The following ANKS3 variants were observed in gnomAD, a reference collection of about 807,000 sequenced individuals.
ANKS3 encodes ankyrin repeat and sterile alpha motif domain containing 3.
Under a neutral mutation model 80.7 loss-of-function variants are expected in ANKS3, and 62 were observed. That is an observed-to-expected ratio of 0.77 (90% CI 0.63 to 0.95). ANKS3 has a LOEUF of 0.95. ANKS3 is among the 40% of genes least tolerant of loss of function. The pLI, the probability that ANKS3 is intolerant of heterozygous loss-of-function variation, is 0.00. For missense variants in ANKS3, 1,150 were observed against 883.6 expected (o/e 1.30, Z -3.82); for synonymous variants, 489 against 355.3 (o/e 1.38, Z -4.23).
At chr16:4,705,057 C>G in intron 8 of ANKS3, 38 bp downstream of exon 8, 1 of 1,603,000 alleles carries the variant, frequency 6.2e-7, no homozygotes, top group Non-Finnish European at 8.5e-7. Context: ...TCCTGGTATG[C>G]AATGAGAAAG....
Position 4,701,495 on chromosome 16 carries a change from C to G in ANKS3, c.1058G>C (p.Ser353Thr). 1.2e-6 allele frequency: 2 copies of G among 1,612,170 alleles called. No individual in the cohort carries two copies. Among genetic ancestry groups the G allele is most frequent in the East Asian group, 2.2e-5 (1 of 44,844 alleles). ...CTGGGCTCTGGCCAGGCCCTCGCTG[C>G]TGCTGCTGCTCTGGACGGGCCCCAG... ...ANLGPVQSSS[S>T]SEGLARAQGL... The change falls in exon 10 of 18, where the codon AGC becomes ACC. Residue 353 changes from serine to threonine, a missense_variant. Physicochemically the swap from Ser to Thr is moderately conservative, Grantham distance 58. Transcript: ENST00000304283.
intron 2 of ANKS3, among the ~76,000 whole-genome samples, chr16:4,730,888 A>C (rs2081580811): frequency 6.6e-6 from 1 of 152,050 alleles, no homozygotes; most frequent in Non-Finnish European, 1.5e-5. Flanking sequence ...ACAAAAAAGC[A>C]GCTCTGCTAC....
chr16:4,724,289 C>G (rs1213146564), intron 6 of ANKS3, among the ~76,000 whole-genome samples: 1 of 152,160 alleles, frequency 6.6e-6, no homozygotes, highest in African/African-American at 2.4e-5. Flanking sequence ...ACAGACTATA[C>G]GTAGAATCCC....
intron 6 of ANKS3, among the ~76,000 whole-genome samples, chr16:4,714,457 G>A (rs2142090320): frequency 6.6e-6 from 1 of 152,332 alleles, no homozygotes; most frequent in East Asian, 1.9e-4. Flanking sequence ...GGGGCTGGCA[G>A]CCACCATGCG....
chr16:4,720,232 G>A (rs1478109041), intron 6 of ANKS3, among the ~76,000 whole-genome samples: 1 of 147,108 alleles, frequency 6.8e-6, no homozygotes, highest in African/African-American at 2.5e-5. Flanking sequence ...GGAAGACCAA[G>A]GCGGGCGGGT....
At position 4,701,458 on chromosome 16, in the gene ANKS3, G is replaced by A. The variant is rs771032839; in HGVS notation, c.1095C>T (p.Ser365=). Residue 365 remains serine (S), a synonymous_variant, in exon 10 of 18, where the codon AGC becomes AGT. Coordinates refer to ENST00000304283, the MANE Select transcript of ANKS3 (RefSeq NM_133450.4). ...EGLARAQGLS[S]EASVESNEDS... Reference sequence around the variant, plus strand: ...CCTCGTTGCTCTCCACAGAAGCTTCGCTGCTGAGCCCCTGGGCTCTGGCCA... The same window carrying A: ...CCTCGTTGCTCTCCACAGAAGCTTCACTGCTGAGCCCCTGGGCTCTGGCCA... The A allele has an allele frequency of 7.5e-6, 12 of 1,608,126 alleles. No individual in the cohort carries two copies. The highest frequency in any genetic ancestry group is 1.9e-4 in the Middle Eastern group (1 of 5,308).
In ANKS3 at chr16:4,698,880, G is replaced by T. The variant is rs1413314126; in HGVS notation, c.1471C>A (p.Pro491Thr). The part of the protein sequence containing the change: ...AIARWHSSAR[P>T]PGDALELAYA... ...GCCAGCTCCAGGGCATCCCCGGGTGGGCGGGCACTGCTGTGCCAGCGGGCA... is the reference window on the plus strand; with the variant it reads ...GCCAGCTCCAGGGCATCCCCGGGTGTGCGGGCACTGCTGTGCCAGCGGGCA... Residue 491 changes from proline to threonine, a missense_variant, in exon 13 of 18, where the codon CCA becomes ACA. Physicochemically the swap from Pro to Thr is conservative, Grantham distance 38 (BLOSUM62 -1). Transcript: ENST00000304283. 6.2e-7 allele frequency: 1 copy of T among 1,601,012 alleles called. No individual in the cohort carries two copies. The highest frequency in any genetic ancestry group is 8.5e-7 in the Non-Finnish European group (1 of 1,173,124).
In ANKS3 at chr16:4,698,419, C is replaced by A; in HGVS notation, c.1724+8G>T. The A allele has an allele frequency of 1.3e-6, 2 of 1,505,658 alleles. No homozygotes were observed. Among genetic ancestry groups the A allele is most frequent in the Non-Finnish European group, 1.8e-6 (2 of 1,132,076 alleles). 93.3% of individuals were successfully genotyped at this position (1,505,658 alleles called of 1,614,324 possible). On this transcript the variant is annotated splice_region_variant and intron_variant, in intron 14 of 17. Coordinates refer to ENST00000304283, the MANE Select transcript of ANKS3 (RefSeq NM_133450.4). ...AGACCCAGCCCAGGGCAGCTCAGAG[C>A]CACTCACCGCAGCTGGTCCAGGACG...
At chr16:4,721,111 C>G (rs75246135) in intron 6 of ANKS3, among the ~76,000 whole-genome samples, 1 of 149,292 alleles carries the variant, frequency 6.7e-6, no homozygotes, top group Admixed American at 6.7e-5. Flanking sequence ...CGAGACCATC[C>G]TGGCTAACGC....
rs759313214 is a variant in ANKS3, at chr16:4,700,745, G to A, written c.1284+225C>T. On this transcript the variant is annotated intron_variant, in intron 11 of 17. Coordinates refer to ENST00000304283, the MANE Select transcript of ANKS3 (RefSeq NM_133450.4). ...GAGGCCAACTCCAGTATGGAAAGCA[G>A]GGAGACAGGTCCTTTCCGTGGAGAG... The A allele has an allele frequency of 4.3e-5, 31 of 727,914 alleles. 2 individuals are homozygous for A. The highest frequency in any genetic ancestry group is 4.2e-4 in the South Asian group (30 of 70,806). 45.1% of individuals were successfully genotyped at this position (727,914 alleles called of 1,614,324 possible). A position where few individuals can be genotyped will look rare whatever the true frequency, so the allele number is the denominator to read the frequency against.
At chr16:4,729,896 C>G in intron 3 of ANKS3, 84 bp downstream of exon 3, 1 of 1,295,450 alleles carries the variant, frequency 7.7e-7, no homozygotes. Flanking sequence ...ACATCCACAA[C>G]TGTGTGCAAA....
intron 6 of ANKS3, among the ~76,000 whole-genome samples, chr16:4,714,491 C>T (rs538281964): frequency 2.0e-5 from 3 of 152,336 alleles, no homozygotes; most frequent in South Asian, 2.1e-4. Flanking sequence ...TCACCTTCTG[C>T]GCCTGGGCTG....
intron 6 of ANKS3, among the ~76,000 whole-genome samples, chr16:4,715,614 C>G (rs1239317471): frequency 6.6e-6 from 1 of 152,042 alleles, no homozygotes; most frequent in Non-Finnish European, 1.5e-5. Context: ...AAAAAAGGAT[C>G]ATGATACAAA....
At chr16:4,714,667 C>A (rs1165554356) in intron 6 of ANKS3, among the ~76,000 whole-genome samples, 1 of 152,214 alleles carries the variant, frequency 6.6e-6, no homozygotes, top group Non-Finnish European at 1.5e-5. Context: ...AAGGAAATAA[C>A]CCTAAATACA....
rs529703831 is a variant in ANKS3 at position 4,731,544 on chromosome 16, G to C, written c.-35C>G. ...GATCCGCCCGCCTCAGCCTCTCAAA[G>C]TCCTGGAAATATAGGCGTGAGCCAC... On this transcript the variant is annotated 5_prime_UTR_variant, in exon 2 of 18. Transcript: ENST00000304283. The C allele has an allele frequency of 5.0e-6, 4 of 802,088 alleles. No homozygotes were observed. The African/African-American group carries it at 5.6e-5, about 11-fold the overall frequency. The allele number at this position is 802,088 out of a possible 1,614,324, so 49.7% of individuals were successfully genotyped here.
Position 4,696,932 on chromosome 16 carries a change from C to T in ANKS3, c.*12-36G>A, listed in dbSNP as rs531035597. The T allele has an allele frequency of 1.5e-3, 1,868 of 1,215,140 alleles. 36 individuals carry two copies. In the South Asian group the frequency reaches 0.022, roughly 15 times the overall value. 75.3% of individuals were successfully genotyped at this position (1,215,140 alleles called of 1,614,324 possible). ...AAGCCCCGGTGAGAAGGGAGGGGGA[C>T]AGGTGGGTGCATACCCACACCTGCA... On this transcript the variant is annotated intron_variant, in intron 17 of 17. Coordinates refer to ENST00000304283, the MANE Select transcript of ANKS3 (RefSeq NM_133450.4).
intron 7 of ANKS3, among the ~76,000 whole-genome samples, chr16:4,707,673 T>C (rs1021799146): frequency 3.9e-5 from 6 of 152,164 alleles, no homozygotes; most frequent in African/African-American, 1.4e-4. Flanking sequence ...ACTTCCTTCA[T>C]AAATCAGAAA....
chr16:4,716,908 C>A (rs924664441), intron 6 of ANKS3, among the ~76,000 whole-genome samples: 3 of 150,080 alleles, frequency 2.0e-5, no homozygotes, highest in African/African-American at 7.4e-5. Context: ...GACTGAGATT[C>A]CATCTCAAAA....
At chr16:4,731,980 C>T (rs972317369) in intron 1 of ANKS3, among the ~76,000 whole-genome samples, 1 of 152,184 alleles carries the variant, frequency 6.6e-6, no homozygotes, top group African/African-American at 2.4e-5. Context: ...TGATGACCTA[C>T]AGGTGCTATG....
Sources: allele counts gnomAD v4.1 joint callset (sites outside exome capture counted in the v4.1 genomes callset), GRCh38; gene constraint gnomAD v4.1.1; transcripts MANE v1.5; gene names NCBI Gene and HGNC (gene_info 2026-07-23, HGNC 2026-07-21).